The following OPCML variants were observed in gnomAD, a reference collection of about 807,000 sequenced individuals.
OPCML encodes the protein opioid binding protein/cell adhesion molecule like.
Under a neutral mutation model 37.8 loss-of-function variants are expected in OPCML, and 13 were observed. The observed-to-expected ratio is 0.34, with a 90% confidence interval of 0.22 to 0.55. OPCML has a LOEUF of 0.55. Among genes scored for constraint, OPCML ranks in the 20% least tolerant of loss-of-function variants. OPCML has a pLI of 0.91. For synonymous variants in OPCML, 176 were observed against 168.8 expected, an observed-to-expected ratio of 1.04 and a Z score of -0.33; for missense variants, 341 against 435.6, an observed-to-expected ratio of 0.78 and a Z score of 1.93.
At chr11:133,486,609 G>A (rs1470686853) in intron 1 of OPCML, among the ~76,000 whole-genome samples, 1 of 152,042 alleles carries the variant, frequency 6.6e-6, no homozygotes, top group Non-Finnish European at 1.5e-5. Flanking sequence ...TCTTCTCTGA[G>A]AATCTTATCC....
chr11:133,257,031 C>T (rs183966671), intron 1 of OPCML, among the ~76,000 whole-genome samples: 17 of 152,292 alleles, frequency 1.1e-4, no homozygotes, highest in Admixed American at 1.0e-3. Context: ...AACACTACTG[C>T]CAGGACCAAT....
chr11:133,365,924 GC>G (rs1272221598), intron 1 of OPCML: 1 of 152,188 alleles, frequency 6.6e-6, no homozygotes, highest in Non-Finnish European at 1.5e-5. Context: ...ATCCACAGCT[GC>G]AAAGGATGCT....
At chr11:133,073,856 A>G (rs1191175890) in intron 1 of OPCML, among the ~76,000 whole-genome samples, 3 of 152,360 alleles carry the variant, frequency 2.0e-5, no homozygotes, top group Middle Eastern at 3.4e-3. Context: ...AAGACCCCTT[A>G]AAAGAAGAGC....
At chr11:132,827,180 T>C (rs1940399406) in intron 2 of OPCML, among the ~76,000 whole-genome samples, 1 of 152,160 alleles carries the variant, frequency 6.6e-6, no homozygotes, top group African/African-American at 2.4e-5. Context: ...ATGAAAGATA[T>C]ATCTCATAAC....
At chr11:132,846,428 T>A (rs1303925636) in intron 2 of OPCML, among the ~76,000 whole-genome samples, 1 of 152,194 alleles carries the variant, frequency 6.6e-6, no homozygotes, top group Admixed American at 6.5e-5. Flanking sequence ...TTTAGCCTGC[T>A]CCCATGAAGC....
chr11:133,117,769 A>G lies in OPCML; in HGVS notation c.62-174759T>C, dbSNP rs138418215. On this transcript the variant is annotated intron_variant, in intron 1 of 7. Transcript: ENST00000524381. Reference sequence around the variant, plus strand: ...AAGTAATGTACAATTGCAATGGAATACTAAGCAAGAGAAAGTGCTTAGATC... The same window carrying G: ...AAGTAATGTACAATTGCAATGGAATGCTAAGCAAGAGAAAGTGCTTAGATC... The G allele has an allele frequency of 2.3e-3, 2,205 of 978,650 alleles. 35 individuals carry two copies. The African/African-American group carries it at 0.037, about 16-fold the overall frequency. 60.6% of individuals were successfully genotyped at this position (978,650 alleles called of 1,614,324 possible). A position where few individuals can be genotyped will look rare whatever the true frequency, so the allele number is the denominator to read the frequency against.
chr11:132,767,054 T>A (rs1444456182), intron 2 of OPCML, among the ~76,000 whole-genome samples: 1 of 152,178 alleles, frequency 6.6e-6, no homozygotes, highest in Admixed American at 6.5e-5. Flanking sequence ...TACCCATCTC[T>A]CCATTCCTAG....
chr11:133,420,795 G>A lies in OPCML; in HGVS notation c.61+111469C>T, dbSNP rs1334156336. On this transcript the variant is annotated intron_variant, in intron 1 of 7. Coordinates refer to ENST00000524381, the MANE Select transcript of OPCML (RefSeq NM_001012393.5). The stretch of plus-strand genomic sequence containing the variant: ...TTGAAATTCAATTTTTCCCAATATG[G>A]TATTATTTGAAAACTAGAAGGAACA... 3 of 985,162 alleles carry A rather than the reference G, an allele frequency of 3.0e-6. No homozygotes were observed. The East Asian group carries it at 3.4e-4, about 112-fold the overall frequency. The allele number at this position is 985,162 out of a possible 1,614,324, so 61.0% of individuals were successfully genotyped here.
At chr11:133,175,657 C>CTTTTTTTTTTT (rs35382294) in intron 1 of OPCML, among the ~76,000 whole-genome samples, 1 of 142,468 alleles carries the variant, frequency 7.0e-6, no homozygotes, top group Non-Finnish European at 1.5e-5. Flanking sequence ...AATTCACTGA[C>CTTTTTTTTTTT]TTTTTTTTTT....
intron 3 of OPCML, among the ~76,000 whole-genome samples, chr11:132,640,393 T>C (rs1327233186): frequency 6.6e-6 from 1 of 152,168 alleles, no homozygotes; most frequent in African/African-American, 2.4e-5. Context: ...GGATTGGTCA[T>C]TAGCATCAGC....
intron 2 of OPCML, among the ~76,000 whole-genome samples, chr11:132,686,112 C>T (rs778638349): frequency 3.9e-5 from 6 of 152,188 alleles, no homozygotes; most frequent in Non-Finnish European, 8.8e-5. Flanking sequence ...TCTCTCCAAA[C>T]CTTCTGATCT....
In OPCML at chr11:133,009,336, G is replaced by A. The variant is rs570134336; in HGVS notation, c.62-66326C>T. ...AAACAACAGAATCTAGAATAAAAAA[G>A]ATGTTCACAGTCTGTTCAAATATAA... On this transcript the variant is annotated intron_variant, in intron 1 of 7. Transcript: ENST00000524381. The A allele has an allele frequency of 1.8e-5, 9 of 506,250 alleles. No individual in the cohort carries two copies. In the South Asian group the frequency reaches 6.8e-4, roughly 38 times the overall value. 31.4% of individuals were successfully genotyped at this position (506,250 alleles called of 1,614,324 possible).
At chr11:133,018,826 C>T (rs921603169) in intron 1 of OPCML, among the ~76,000 whole-genome samples, 2 of 152,226 alleles carry the variant, frequency 1.3e-5, no homozygotes, top group Non-Finnish European at 2.9e-5. Flanking sequence ...GCCTCAAAGG[C>T]GGCCGCAGCT....
In OPCML at chr11:132,612,445, A is replaced by G. The variant is rs1454747955; in HGVS notation, c.379+44642T>C. Among the ~76,000 whole-genome samples the G allele has an allele frequency of 8.5e-5, 13 of 152,196 alleles. 1 individual carries two copies. Among genetic ancestry groups the G allele is most frequent in the Admixed American group, 8.5e-4 (13 of 15,280 alleles). ...TCACATTATTTTTCTCAAGCTTTAC[A>G]TGAATAGCAGACTGTGAAACCTGTT... On this transcript the variant is annotated intron_variant, in intron 3 of 7. Coordinates refer to ENST00000524381, the MANE Select transcript of OPCML (RefSeq NM_001012393.5).
In OPCML at chr11:133,117,834, A is replaced by G. The variant is rs992305983; in HGVS notation, c.62-174824T>C. ...CTCTAACTCTGGAATAATTACAATA[A>G]TACCAATAATAACTGATTCTAAAAG... On this transcript the variant is annotated intron_variant, in intron 1 of 7. Transcript: ENST00000524381. 4.1e-6 allele frequency: 4 copies of G among 984,066 alleles called. No individual in the cohort carries two copies. In the African/African-American group the frequency reaches 7.0e-5, roughly 17 times the overall value. 61.0% of individuals were successfully genotyped at this position (984,066 alleles called of 1,614,324 possible). A position where few individuals can be genotyped will look rare whatever the true frequency, so the allele number is the denominator to read the frequency against.
At chr11:132,430,322 G>A (rs561714175) in intron 7 of OPCML, among the ~76,000 whole-genome samples, 3 of 152,272 alleles carry the variant, frequency 2.0e-5, no homozygotes, top group African/African-American at 7.2e-5. Context: ...TAAGGCAGCG[G>A]CGATGAGGGC....
At chr11:133,414,960 G>A (rs1945728633) in intron 1 of OPCML, among the ~76,000 whole-genome samples, 2 of 152,128 alleles carry the variant, frequency 1.3e-5, no homozygotes, top group Non-Finnish European at 2.9e-5. Context: ...GCCCAGCACA[G>A]GGGAATTACT....
chr11:132,446,597 A>G (rs1278313787), intron 4 of OPCML, among the ~76,000 whole-genome samples: 1 of 152,196 alleles, frequency 6.6e-6, no homozygotes, highest in Non-Finnish European at 1.5e-5. Context: ...CAGCTAAGTT[A>G]TTGACAAAAT....
intron 1 of OPCML, among the ~76,000 whole-genome samples, chr11:133,397,243 T>C (rs1945307191): frequency 6.6e-6 from 1 of 152,226 alleles, no homozygotes; most frequent in African/African-American, 2.4e-5. Context: ...TGTCTCTTCC[T>C]TTTTCTATGT....
Sources: allele counts gnomAD v4.1 joint callset (sites outside exome capture counted in the v4.1 genomes callset), GRCh38; gene constraint gnomAD v4.1.1; transcripts MANE v1.5; gene names NCBI Gene and HGNC (gene_info 2026-07-23, HGNC 2026-07-21).